The following MFSD6 variants were observed in gnomAD, a reference collection of about 807,000 sequenced individuals.
The protein encoded by MFSD6 is major facilitator superfamily domain-containing protein 6.
In MFSD6, 26 loss-of-function variants were observed where a neutral mutation model predicts 56.3. The ratio of observed to expected loss-of-function variants is 0.46; its 90% CI spans 0.34 to 0.64. The LOEUF is 0.64. MFSD6 is among the 30% of genes least tolerant of loss of function. The pLI is 0.01. For missense variants in MFSD6, 750 were observed against 986.2 expected (o/e 0.76, Z 3.21); for synonymous variants, 331 against 366.9 (o/e 0.90, Z 1.12).
rs1689608313 is a variant in MFSD6 at position 190,495,335 on chromosome 2, A to G, written c.1892-2104A>G. Among the ~76,000 whole-genome samples the G allele has an allele frequency of 6.6e-6, 1 of 152,204 alleles. No homozygotes were observed. Among genetic ancestry groups the G allele is most frequent in the South Asian group, 2.1e-4 (1 of 4,834 alleles). On this transcript the variant is annotated intron_variant, in intron 6 of 7. Transcript: ENST00000392328. The surrounding 1 kb of genome is among the most constrained non-coding windows in gnomAD (Gnocchi z 4.7). ...CAAGGAAAACTACAAAACACTGCTG[A>G]AAGAAATCATACATGACATACACAA...
Position 190,461,865 on chromosome 2 carries a change from C to T in MFSD6, c.1533-7893C>T, listed in dbSNP as rs1417787263. 6.6e-6 allele frequency among the ~76,000 whole-genome samples: 1 copy of T among 151,956 alleles called. No homozygotes were observed. Among genetic ancestry groups the T allele is most frequent in the African/African-American group, 2.4e-5 (1 of 41,360 alleles). ...TTTTAATTTTTTTTTTAGTGTGGAA[C>T]ATGAACCTTAATATACTTTCAGAAC... On this transcript the variant is annotated intron_variant, in intron 3 of 7. Coordinates refer to ENST00000392328, the MANE Select transcript of MFSD6 (RefSeq NM_017694.4). This position sits in a 1 kb window ranked among gnomAD's most constrained non-coding sequence, Gnocchi z 5.5.
At chr2:190,479,739 AC>A (rs1462750356) in intron 4 of MFSD6, among the ~76,000 whole-genome samples, 1 of 152,134 alleles carries the variant, frequency 6.6e-6, no homozygotes, top group Non-Finnish European at 1.5e-5. Context: ...CTAAAGAGGT[AC>A]TTTTGAGTTA....
At chr2:190,430,661 C>T (rs1240147817) in intron 2 of MFSD6, among the ~76,000 whole-genome samples, 1 of 151,830 alleles carries the variant, frequency 6.6e-6, no homozygotes, top group Non-Finnish European at 1.5e-5. Flanking sequence ...CACCTTTCCC[C>T]CTTTTCTATT....
chr2:190,482,467 G>A (rs1419743678), intron 4 of MFSD6, among the ~76,000 whole-genome samples: 2 of 148,770 alleles, frequency 1.3e-5, no homozygotes, highest in Non-Finnish European at 3.0e-5. Flanking sequence ...GGAAAGGTTT[G>A]TCACAGCTGA....
chr2:190,476,871 G>C (rs1417705999), intron 4 of MFSD6, among the ~76,000 whole-genome samples: 1 of 152,052 alleles, frequency 6.6e-6, no homozygotes, highest in Admixed American at 6.5e-5. Flanking sequence ...GTACTATGCA[G>C]CCATAAAAAA....
At position 190,426,828 on chromosome 2, in the gene MFSD6, CTG is replaced by C. The variant is rs149051351; in HGVS notation, c.-53-9146_-53-9145del. Reference sequence around the variant, plus strand: ...ATGTTTTGGGTATTATTTTATGAGACTGTGGATCTTATTTAGACCTTCTGCTT... The same window carrying C: ...ATGTTTTGGGTATTATTTTATGAGACTGGATCTTATTTAGACCTTCTGCTT... On this transcript the variant is annotated intron_variant, in intron 2 of 7. Transcript: ENST00000392328. The surrounding 1 kb of genome is among the most constrained non-coding windows in gnomAD (Gnocchi z 4.7). 0.11 allele frequency among the ~76,000 whole-genome samples: 16,659 copies of C among 152,206 alleles called. 1,262 individuals are homozygous for C. Among genetic ancestry groups the C allele is most frequent in the African/African-American group, 0.21 (8,606 of 41,472 alleles).
Position 190,413,760 on chromosome 2 carries a change from A to C in MFSD6, c.-175-1532A>C, listed in dbSNP as rs1336204169. ...GAGACCTTGTTCCACAGGCAGGTGC[A>C]CTCCACTCTGCACGGGGCCTGCTCT... is the stretch of plus-strand genomic sequence containing the variant. On this transcript the variant is annotated intron_variant, in intron 1 of 7. Transcript: ENST00000392328. This position sits in a 1 kb window ranked among gnomAD's most constrained non-coding sequence, Gnocchi z 4.1. 6.6e-6 allele frequency among the ~76,000 whole-genome samples: 1 copy of C among 152,014 alleles called. No homozygotes were observed. Among genetic ancestry groups the C allele is most frequent in the Non-Finnish European group, 1.5e-5 (1 of 67,982 alleles).
chr2:190,439,482 A>T lies in MFSD6; in HGVS notation c.1532+1921A>T, dbSNP rs1363275309. ...AAAGGAATTGTTAGGTTATTTCCAC[A>T]TGCTAAGAAAAGATGGTTCTCTTCT... On this transcript the variant is annotated intron_variant, in intron 3 of 7. Coordinates refer to ENST00000392328, the MANE Select transcript of MFSD6 (RefSeq NM_017694.4). The surrounding 1 kb of genome is among the most constrained non-coding windows in gnomAD (Gnocchi z 5.8). Among the ~76,000 whole-genome samples the T allele has an allele frequency of 2.6e-5, 4 of 152,172 alleles. No individual in the cohort carries two copies. Among genetic ancestry groups the T allele is most frequent in the African/African-American group, 7.2e-5 (3 of 41,440 alleles).
intron 3 of MFSD6, among the ~76,000 whole-genome samples, chr2:190,448,973 T>C (rs1379603334): frequency 6.6e-6 from 1 of 152,236 alleles, no homozygotes; most frequent in Non-Finnish European, 1.5e-5. Flanking sequence ...TGTGTGTGCA[T>C]AGTTATAGCT....
chr2:190,440,628 AG>A (rs886578521), intron 3 of MFSD6, among the ~76,000 whole-genome samples: 2 of 152,228 alleles, frequency 1.3e-5, no homozygotes. Context: ...TTCCAATGTT[AG>A]GCCATCCCCT....
rs1687071426 is a variant in MFSD6 at position 190,456,963 on chromosome 2, T to C, written c.1533-12795T>C. ...CAGTCTTCCCAATGACTCGTCAAAG[T>C]TTAAAATGTCAACCGTCTTCTGATG... On this transcript the variant is annotated intron_variant, in intron 3 of 7. Transcript: ENST00000392328. This position sits in a 1 kb window ranked among gnomAD's most constrained non-coding sequence, Gnocchi z 5.4. 6.6e-6 allele frequency among the ~76,000 whole-genome samples: 1 copy of C among 152,142 alleles called. No individual in the cohort carries two copies. Among genetic ancestry groups the C allele is most frequent in the Non-Finnish European group, 1.5e-5 (1 of 68,030 alleles).
chr2:190,488,665 C>T lies in MFSD6; in HGVS notation c.1639C>T (p.His547Tyr), dbSNP rs1478326691. ...LPMEVLQGVT[H>Y]AAIWAACISY... ...CTCTTCTTCCTCTCCAGGAGTGACA[C>T]ACGCGGCCATCTGGGCAGCATGCAT... The change falls in exon 5 of 8, where the codon CAC (histidine) becomes TAC (tyrosine). Residue 547 changes from histidine (H) to tyrosine (Y), a missense_variant. His to Tyr is a moderately conservative substitution (Grantham distance 83). Coordinates refer to ENST00000392328, the MANE Select transcript of MFSD6 (RefSeq NM_017694.4). This position sits in a 1 kb window ranked among gnomAD's most constrained non-coding sequence, Gnocchi z 6.4. 4 of 1,553,086 alleles carry T rather than the reference C, an allele frequency of 2.6e-6. No homozygotes were observed. The Admixed American group carries it at 7.9e-5, about 31-fold the overall frequency.
chr2:190,471,843 T>G lies in MFSD6; in HGVS notation c.1630+1988T>G, dbSNP rs946097345. Among the ~76,000 whole-genome samples, 8 of 152,036 alleles carry G rather than the reference T, an allele frequency of 5.3e-5. No individual in the cohort carries two copies. Among genetic ancestry groups the G allele is most frequent in the Non-Finnish European group, 8.8e-5 (6 of 67,992 alleles). ...AGCCTAACTGGGAGGCACCCCCCAG[T>G]AGGGGCAGACTGATAACTCATACGG... On this transcript the variant is annotated intron_variant, in intron 4 of 7. Transcript: ENST00000392328. The surrounding 1 kb of genome is among the most constrained non-coding windows in gnomAD (Gnocchi z 4.7).
In MFSD6 at chr2:190,434,973, C is replaced by T. The variant is rs1361809223; in HGVS notation, c.-53-1004C>T. Among the ~76,000 whole-genome samples, 1 of 152,172 alleles carries T rather than the reference C, an allele frequency of 6.6e-6. No homozygotes were observed. The highest frequency in any genetic ancestry group is 1.5e-5 in the Non-Finnish European group (1 of 68,040). ...ATAGGAGCATGAACGCTATTGTGAA[C>T]TGTGCATGCGAGGGATGTAGGTTGT... On this transcript the variant is annotated intron_variant, in intron 2 of 7. Coordinates refer to ENST00000392328, the MANE Select transcript of MFSD6 (RefSeq NM_017694.4). The surrounding 1 kb of genome is among the most constrained non-coding windows in gnomAD (Gnocchi z 4.3).
chr2:190,412,580 T>C lies in MFSD6; in HGVS notation c.-175-2712T>C. On this transcript the variant is annotated intron_variant, in intron 1 of 7. Transcript: ENST00000392328. The surrounding 1 kb of genome is among the most constrained non-coding windows in gnomAD (Gnocchi z 4.1). ...CCTGGGAAAAGCAAACAAACACATC[T>C]GATGTCAATTCTGTGTGGGGCAATG... The C allele has an allele frequency of 6.1e-6, 6 of 985,452 alleles. No homozygotes were observed. The highest frequency in any genetic ancestry group is 7.2e-6 in the Non-Finnish European group (6 of 829,934). 61.0% of individuals were successfully genotyped at this position (985,452 alleles called of 1,614,324 possible).
rs766918948 is a variant in MFSD6 at position 190,416,786 on chromosome 2, T to A, written c.-54+1373T>A. On this transcript the variant is annotated intron_variant, in intron 2 of 7. Transcript: ENST00000392328. The surrounding 1 kb of genome is among the most constrained non-coding windows in gnomAD (Gnocchi z 4.1). ...TTTCATTTAAGCTCTAGAATCCTTC[T>A]GGGAGTTAATTGACTTAAGTTTGTA... 3.3e-5 allele frequency among the ~76,000 whole-genome samples: 5 copies of A among 152,206 alleles called. No homozygotes were observed. The highest frequency in any genetic ancestry group is 1.2e-4 in the African/African-American group (5 of 41,448).
intron 4 of MFSD6, among the ~76,000 whole-genome samples, chr2:190,475,021 A>G (rs1688205233): frequency 6.6e-6 from 1 of 152,236 alleles, no homozygotes; most frequent in Admixed American, 6.5e-5. Flanking sequence ...ACAACCCTTC[A>G]TGCTAAAAAC....
At chr2:190,444,145 T>C (rs578257467) in intron 3 of MFSD6, among the ~76,000 whole-genome samples, 2 of 152,354 alleles carry the variant, frequency 1.3e-5, no homozygotes, top group East Asian at 3.9e-4. Context: ...TTGTAGGATA[T>C]GTGTAAAAAA....
intron 2 of MFSD6, among the ~76,000 whole-genome samples, chr2:190,420,522 C>A (rs1053388281): frequency 6.6e-6 from 1 of 152,148 alleles, no homozygotes; most frequent in Admixed American, 6.5e-5. Flanking sequence ...AGACATTTAG[C>A]CCATATCAAC....
Sources: allele counts gnomAD v4.1 joint callset (sites outside exome capture counted in the v4.1 genomes callset), GRCh38; gene constraint gnomAD v4.1.1; non-coding constraint Gnocchi (gnomAD v3.1); transcripts MANE v1.5; gene names NCBI Gene and HGNC (gene_info 2026-07-23, HGNC 2026-07-21).